GPC5: variants seen among roughly 807,000 people sequenced by gnomAD.
GPC5 encodes glypican 5.
In GPC5, 47 loss-of-function variants were observed where a neutral mutation model predicts 53.9. The observed-to-expected ratio is 0.87, with a 90% CI of 0.69 to 1.11. GPC5 has a LOEUF of 1.11. GPC5 is among the 50% of genes most tolerant of loss of function. GPC5 has a pLI of 0.00. For synonymous variants in GPC5, 286 were observed against 263.3 expected (o/e 1.09, Z -0.84); for missense variants, 748 against 713.1 (o/e 1.05, Z -0.56).
intron 7 of GPC5, among the ~76,000 whole-genome samples, chr13:92,212,704 A>C (rs2042383664): frequency 6.6e-6 from 1 of 152,202 alleles, no homozygotes; most frequent in African/African-American, 2.4e-5. Context: ...TGGATCCAGA[A>C]ATAGCTGCTG....
intron 2 of GPC5, among the ~76,000 whole-genome samples, chr13:91,585,795 C>G (rs952390112): frequency 7.2e-5 from 11 of 152,142 alleles, no homozygotes; most frequent in African/African-American, 2.7e-4. Context: ...GTATTAACTT[C>G]TGTCTACGTC....
intron 5 of GPC5, among the ~76,000 whole-genome samples, chr13:91,805,486 A>G (rs1432625994): frequency 2.0e-5 from 3 of 147,578 alleles, no homozygotes; most frequent in Non-Finnish European, 4.5e-5. Context: ...CTTTGGTCAA[A>G]GGGACTTATT....
intron 3 of GPC5, among the ~76,000 whole-genome samples, chr13:91,708,013 T>G (rs1173714929): frequency 1.3e-5 from 2 of 152,184 alleles, no homozygotes; most frequent in Non-Finnish European, 2.9e-5. Flanking sequence ...ACAATATTAT[T>G]GGACCTTGAT....
intron 7 of GPC5, among the ~76,000 whole-genome samples, chr13:92,312,030 T>C (rs1183571309): frequency 6.6e-6 from 1 of 152,114 alleles, no homozygotes; most frequent in African/African-American, 2.4e-5. Context: ...AGTCAGATGT[T>C]ATAGGAACAA....
Position 92,866,593 on chromosome 13 carries a change from A to G in GPC5, c.*154A>G. 1.8e-6 allele frequency: 1 copy of G among 557,692 alleles called. No homozygotes were observed. 34.5% of individuals were successfully genotyped at this position (557,692 alleles called of 1,614,324 possible). On this transcript the variant is annotated 3_prime_UTR_variant, in exon 8 of 8. Transcript: ENST00000377067. ...TCAGAAGCCAAGCTGAAATATTCAT[A>G]AAGTCCCTAAAACTCAACGTTTAAA...
chr13:91,572,155 G>T (rs1336370111), intron 2 of GPC5, among the ~76,000 whole-genome samples: 1 of 133,288 alleles, frequency 7.5e-6, no homozygotes, highest in East Asian at 2.3e-4. Flanking sequence ...ATATACGTGT[G>T]TATACACACA....
intron 1 of GPC5, among the ~76,000 whole-genome samples, chr13:91,411,002 G>A (rs923587500): frequency 6.6e-6 from 1 of 152,068 alleles, no homozygotes; most frequent in Non-Finnish European, 1.5e-5. Context: ...CCAGCTACTC[G>A]GGAAGCCGAG....
intron 2 of GPC5, among the ~76,000 whole-genome samples, chr13:91,550,577 T>C (rs987857446): frequency 6.6e-6 from 1 of 152,164 alleles, no homozygotes; most frequent in African/African-American, 2.4e-5. Flanking sequence ...GTTGATGTTC[T>C]TGTGGATAGG....
chr13:91,537,028 C>T (rs1886622936), intron 2 of GPC5, among the ~76,000 whole-genome samples: 1 of 152,050 alleles, frequency 6.6e-6, no homozygotes, highest in Non-Finnish European at 1.5e-5. Context: ...TGTACCAAAA[C>T]TTATTGGATA....
chr13:92,212,726 A>G (rs1274881559), intron 7 of GPC5, among the ~76,000 whole-genome samples: 1 of 152,174 alleles, frequency 6.6e-6, no homozygotes, highest in Non-Finnish European at 1.5e-5. Context: ...CTTAACCTCC[A>G]CTAATGTCCT....
intron 3 of GPC5, among the ~76,000 whole-genome samples, chr13:91,721,081 CTTTCTTTCTTTCTTTCTTTCTTTCTTT>C (rs1367260301): frequency 1.1e-4 from 2 of 17,856 alleles, no homozygotes; most frequent in Non-Finnish European, 1.5e-4. Flanking sequence ...TTCTTTCTTT[CTTTCTTTCTTTCTTTCTTTCTTTCTTT>C]CTTTCTTTCT....
At chr13:92,381,861 A>T (rs1271485274) in intron 7 of GPC5, among the ~76,000 whole-genome samples, 1 of 130,910 alleles carries the variant, frequency 7.6e-6, no homozygotes, top group African/African-American at 2.8e-5. Flanking sequence ...ATATATGATT[A>T]TATATATCAT....
intron 7 of GPC5, among the ~76,000 whole-genome samples, chr13:92,703,052 A>ATTTATT (rs1887809099): frequency 5.5e-5 from 8 of 145,806 alleles, no homozygotes; most frequent in African/African-American, 2.0e-4. Flanking sequence ...GCATATATAT[A>ATTTATT]TATTTATTTA....
intron 2 of GPC5, among the ~76,000 whole-genome samples, chr13:91,538,686 C>T (rs1220265604): frequency 6.6e-6 from 1 of 151,376 alleles, no homozygotes; most frequent in Admixed American, 6.6e-5. Context: ...GGATTCACGC[C>T]CTTCTCTTGC....
rs565334323 is a variant in GPC5 at position 92,454,219 on chromosome 13, C to T, written c.1561+309230C>T. On this transcript the variant is annotated intron_variant, in intron 7 of 7. Transcript: ENST00000377067. ...TGATGAGTTTGTTTGTTTTTGAATC[C>T]GTGAGGACATTTTTTTCCTTTTACA... 2.9e-3 allele frequency among the ~76,000 whole-genome samples: 447 copies of T among 152,160 alleles called. 5 individuals carry two copies. Among genetic ancestry groups the T allele is most frequent in the Non-Finnish European group, 1.6e-3 (109 of 68,004 alleles).
chr13:91,723,135 G>T (rs929839337), intron 3 of GPC5, among the ~76,000 whole-genome samples: 3 of 151,826 alleles, frequency 2.0e-5, no homozygotes, highest in Non-Finnish European at 2.9e-5. Flanking sequence ...CATAGTTTTA[G>T]GGCATAATAT....
chr13:91,753,064 T>C (rs533232089), intron 4 of GPC5, among the ~76,000 whole-genome samples: 1 of 152,234 alleles, frequency 6.6e-6, no homozygotes, highest in Non-Finnish European at 1.5e-5. Context: ...TTGATGACTA[T>C]TTATTGGGGC....
At chr13:92,449,651 C>A (rs1257394452) in intron 7 of GPC5, among the ~76,000 whole-genome samples, 1 of 151,978 alleles carries the variant, frequency 6.6e-6, no homozygotes, top group Non-Finnish European at 1.5e-5. Context: ...TCTAAAAGAA[C>A]AGTGAAATAG....
At chr13:92,861,473 C>T (rs1019111242) in intron 7 of GPC5, among the ~76,000 whole-genome samples, 6 of 152,092 alleles carry the variant, frequency 3.9e-5, no homozygotes, top group Non-Finnish European at 8.8e-5. Context: ...TATGATAGTA[C>T]TTATTTGTTG....
Sources: allele counts gnomAD v4.1 joint callset (sites outside exome capture counted in the v4.1 genomes callset), GRCh38; gene constraint gnomAD v4.1.1; transcripts MANE v1.5; gene names NCBI Gene and HGNC (gene_info 2026-07-23, HGNC 2026-07-21).